UBR3: variants seen among roughly 807,000 people sequenced by gnomAD.
UBR3 encodes ubiquitin protein ligase E3 component n-recognin 3.
In UBR3, 85 loss-of-function variants were observed where a neutral mutation model predicts 243.2. That is an observed-to-expected ratio of 0.35 (90% CI 0.29 to 0.42). UBR3 has a LOEUF of 0.42. Among genes scored for constraint, UBR3 ranks in the 10% least tolerant of loss-of-function variants. The pLI, the probability that UBR3 is intolerant of heterozygous loss-of-function variation, is 1.00. For synonymous variants in UBR3, 748 were observed against 799.8 expected (o/e 0.94, Z 1.09); for missense variants, 1,686 against 2,300.8 (o/e 0.73, Z 5.47).
chr2:169,890,911 G>C (rs1009667529), intron 5 of UBR3, among the ~76,000 whole-genome samples: 8 of 149,906 alleles, frequency 5.3e-5, no homozygotes. Flanking sequence ...TGGCATTTTG[G>C]GGTACTTAAG....
intron 1 of UBR3, among the ~76,000 whole-genome samples, chr2:169,831,127 A>ATATTT (rs1450878762): frequency 5.3e-5 from 3 of 56,464 alleles, no homozygotes; most frequent in African/African-American, 2.7e-4. Context: ...ATATATATAT[A>ATATTT]TTTTTTTTTT....
chr2:169,990,743 A>ACACG lies in UBR3; in HGVS notation c.3785-3577_3785-3576insGCAC, dbSNP rs1553527048. ...CACACACACACACACACACACACACACACACATAAAAGAAAAGAGAAGGGA... is the reference window on the plus strand; with the variant it reads ...CACACACACACACACACACACACACACACGCACACATAAAAGAAAAGAGAAGGGA... On this transcript the variant is annotated intron_variant, in intron 25 of 38. Coordinates refer to ENST00000272793, the MANE Select transcript of UBR3 (RefSeq NM_172070.4). Among the ~76,000 whole-genome samples, 90 of 148,566 alleles carry ACACG rather than the reference A, an allele frequency of 6.1e-4. 3 individuals are homozygous for ACACG. The highest frequency in any genetic ancestry group is 1.6e-3 in the African/African-American group (66 of 40,350).
chr2:170,006,529 C>T (rs933644683), intron 27 of UBR3, among the ~76,000 whole-genome samples: 1 of 152,080 alleles, frequency 6.6e-6, no homozygotes, highest in Admixed American at 6.5e-5. Context: ...TTAGAAGTCA[C>T]TTTTTTTGAG....
intron 24 of UBR3, among the ~76,000 whole-genome samples, chr2:169,966,816 T>G (rs1223450134): frequency 1.3e-5 from 2 of 152,230 alleles, no homozygotes; most frequent in Non-Finnish European, 2.9e-5. Context: ...ACGTTGGCTA[T>G]TGCTGTCATC....
intron 5 of UBR3, among the ~76,000 whole-genome samples, chr2:169,884,338 G>A (rs1460142040): frequency 6.6e-6 from 1 of 152,066 alleles, no homozygotes; most frequent in East Asian, 1.9e-4. Flanking sequence ...ATTTTTAGTA[G>A]AGACGGGGTT....
At chr2:169,926,651 A>G (rs2085922418) in intron 14 of UBR3, 41 bp from the exon 15 acceptor site, 2 of 1,493,526 alleles carry the variant, frequency 1.3e-6, no homozygotes, top group Admixed American at 2.4e-5. Flanking sequence ...AAGAAGGAAA[A>G]CTGAATATTG....
chr2:170,061,167 G>A lies in UBR3; in HGVS notation c.4874G>A (p.Gly1625Glu). Residue 1625 changes from glycine to glutamate, a missense_variant, in exon 34 of 39, where the codon GGA (glycine) becomes GAA (glutamate). By Grantham distance (98) the Gly-to-Glu change is moderately conservative. Coordinates refer to ENST00000272793, the MANE Select transcript of UBR3 (RefSeq NM_172070.4). The part of the protein sequence containing the change: ...LFKGKLYHEE[G>E]TQECAMVNPI... ...AAAGGAAAGTTATACCATGAAGAAG[G>A]AACTCAGGAATGTGCAATGGTATGT... The A allele has an allele frequency of 6.3e-7, 1 of 1,596,726 alleles. No homozygotes were observed. The highest frequency in any genetic ancestry group is 8.5e-7 in the Non-Finnish European group (1 of 1,175,184).
intron 27 of UBR3, among the ~76,000 whole-genome samples, chr2:170,002,400 C>T (rs950624311): frequency 5.9e-5 from 9 of 152,220 alleles, no homozygotes; most frequent in African/African-American, 2.2e-4. Flanking sequence ...CCATTTTCCT[C>T]AGCAGCTATT....
At chr2:170,077,262 C>A in intron 36 of UBR3, 2 of 740,146 alleles carry the variant, frequency 2.7e-6, no homozygotes, top group Admixed American at 1.7e-5. Flanking sequence ...CCATCATTTT[C>A]AGGATTGTTG....
At chr2:169,845,775 G>C (rs1056624708) in intron 1 of UBR3, among the ~76,000 whole-genome samples, 1 of 151,750 alleles carries the variant, frequency 6.6e-6, no homozygotes. Flanking sequence ...GTAGAGACAG[G>C]GTTTTGCCAT....
chr2:169,843,027 T>G (rs1220069020), intron 1 of UBR3, among the ~76,000 whole-genome samples: 2 of 152,258 alleles, frequency 1.3e-5, no homozygotes, highest in African/African-American at 2.4e-5. Flanking sequence ...TCACTGGAAC[T>G]ATCCTTAATG....
chr2:169,914,848 TTGTGTG>T lies in UBR3; in HGVS notation c.1866+722_1866+727del, dbSNP rs138233075. Among the ~76,000 whole-genome samples, 911 of 93,718 alleles carry T rather than the reference TTGTGTG, an allele frequency of 9.7e-3. 8 individuals carry two copies. Among genetic ancestry groups the T allele is most frequent in the African/African-American group, 0.025 (814 of 32,996 alleles). 61.5% of individuals were successfully genotyped at this position (93,718 alleles called of 152,430 possible). A position where few individuals can be genotyped will look rare whatever the true frequency, so the allele number is the denominator to read the frequency against. On this transcript the variant is annotated intron_variant, in intron 11 of 38. Transcript: ENST00000272793. Reference sequence around the variant, plus strand: ...GTGGAGGGCAGGCAAATTTTATCTCTTGTGTGTGTGTGTGTGTGTGTGTGTTTTTTT... The same window carrying T: ...GTGGAGGGCAGGCAAATTTTATCTCTTGTGTGTGTGTGTGTGTGTTTTTTT...
chr2:169,848,180 GA>G (rs1175957891), intron 1 of UBR3, among the ~76,000 whole-genome samples: 1 of 152,090 alleles, frequency 6.6e-6, no homozygotes, highest in Non-Finnish European at 1.5e-5. Flanking sequence ...CCAATATCTT[GA>G]AAACCATTGG....
intron 1 of UBR3, among the ~76,000 whole-genome samples, chr2:169,845,524 CG>C (rs1188166162): frequency 4.1e-4 from 56 of 137,628 alleles, no homozygotes; most frequent in African/African-American, 1.3e-3. Context: ...TCGTCGTCGT[CG>C]TCGTCGTCTT....
intron 1 of UBR3, among the ~76,000 whole-genome samples, chr2:169,865,085 C>CG (rs1440548359): frequency 6.6e-6 from 1 of 151,318 alleles, no homozygotes; most frequent in Non-Finnish European, 1.5e-5. Flanking sequence ...GACTCCGTCT[C>CG]GAAAAAAAAA....
At chr2:170,058,468 TTTC>T in intron 33 of UBR3, among the ~76,000 whole-genome samples, 1 of 151,870 alleles carries the variant, frequency 6.6e-6, no homozygotes, top group South Asian at 2.1e-4. Flanking sequence ...CTTTTTTCTT[TTTC>T]TTTTTCTTTC....
chr2:170,027,078 AC>A (rs1247487098), intron 30 of UBR3, among the ~76,000 whole-genome samples: 1 of 151,698 alleles, frequency 6.6e-6, no homozygotes, highest in Non-Finnish European at 1.5e-5. Context: ...TTAATCATAA[AC>A]CCCCCAAAAA....
chr2:170,035,919 G>GA (rs202177837), intron 31 of UBR3, among the ~76,000 whole-genome samples: 3 of 128,556 alleles, frequency 2.3e-5, no homozygotes, highest in East Asian at 2.4e-4. Context: ...TTGGGGGGGG[G>GA]GTTGCTAATT....
chr2:169,904,770 A>G (rs970733743), intron 8 of UBR3, among the ~76,000 whole-genome samples: 1 of 152,208 alleles, frequency 6.6e-6, no homozygotes, highest in African/African-American at 2.4e-5. Context: ...ATACTGCATT[A>G]TATCATTAGA....
Sources: gnomAD v4.1 joint callset for allele counts (sites outside exome capture counted in the v4.1 genomes callset) on GRCh38, gnomAD v4.1.1 for gene constraint, MANE v1.5 for transcripts, NCBI Gene and HGNC (gene_info 2026-07-23, HGNC 2026-07-21) for gene names.